ELOVL2: variants seen among roughly 807,000 people sequenced by gnomAD.
ELOVL2 encodes ELOVL fatty acid elongase 2, also known as very long chain fatty acid elongase 2.
In ELOVL2, 38 loss-of-function variants were observed where a neutral mutation model predicts 37.7. The ratio of observed to expected loss-of-function variants is 1.01; its 90% CI spans 0.78 to 1.32. The LOEUF is 1.32. Among genes scored for constraint, ELOVL2 ranks in the 40% most tolerant of loss-of-function variants. The pLI, the probability that ELOVL2 is intolerant of heterozygous loss-of-function variation, is 0.00. For synonymous variants in ELOVL2, 115 were observed against 122.3 expected, an observed-to-expected ratio of 0.94 and a Z score of 0.40; for missense variants, 352 against 363.6, an observed-to-expected ratio of 0.97 and a Z score of 0.26.
chr6:11,011,955 G>T (rs1782591260), intron 1 of ELOVL2, among the ~76,000 whole-genome samples: 1 of 152,118 alleles, frequency 6.6e-6, no homozygotes, highest in Non-Finnish European at 1.5e-5. Context: ...GACAGCCTCG[G>T]GAAGTTGATA....
chr6:11,014,320 T>C (rs144650582), intron 1 of ELOVL2, among the ~76,000 whole-genome samples: 40 of 151,850 alleles, frequency 2.6e-4, no homozygotes, highest in African/African-American at 9.4e-4. Context: ...CTCTACTAAA[T>C]ATACAAAAAT....
chr6:11,043,404 AACAC>A (rs34656289), intron 1 of ELOVL2: 14,719 of 115,034 alleles, frequency 0.13, 1,136 homozygotes, highest in South Asian at 0.16. Flanking sequence ...GACACGGGTG[AACAC>A]ACACACACAC....
intron 7 of ELOVL2, among the ~76,000 whole-genome samples, chr6:10,989,356 A>AAAG (rs777383971): frequency 3.9e-5 from 6 of 152,232 alleles, no homozygotes; most frequent in Non-Finnish European, 8.8e-5. Context: ...ATGTAATGTA[A>AAAG]AAGTGCATGA....
intron 1 of ELOVL2, among the ~76,000 whole-genome samples, chr6:11,020,059 T>C (rs1782741147): frequency 6.6e-6 from 1 of 152,162 alleles, no homozygotes; most frequent in Admixed American, 6.5e-5. Context: ...CATTTTACTT[T>C]TTAACAATAA....
intron 1 of ELOVL2, among the ~76,000 whole-genome samples, chr6:11,022,978 A>C (rs984641534): frequency 6.6e-6 from 1 of 152,266 alleles, no homozygotes; most frequent in African/African-American, 2.4e-5. Flanking sequence ...CAAGTGAATA[A>C]AATGAAATCT....
chr6:11,036,911 ATT>A (rs3839413), intron 1 of ELOVL2, among the ~76,000 whole-genome samples: 20 of 147,550 alleles, frequency 1.4e-4, no homozygotes, highest in South Asian at 6.5e-4. Flanking sequence ...GCATGAGTTA[ATT>A]TTTTTTTTTT....
At chr6:11,011,258 C>T (rs1343124814) in intron 1 of ELOVL2, among the ~76,000 whole-genome samples, 1 of 151,704 alleles carries the variant, frequency 6.6e-6, no homozygotes, top group Non-Finnish European at 1.5e-5. Flanking sequence ...CCCAGCTACT[C>T]AGGAGGCTGA....
chr6:11,036,083 T>TA (rs3839412), intron 1 of ELOVL2, among the ~76,000 whole-genome samples: 27,654 of 152,250 alleles, frequency 0.18, 3,182 homozygotes, highest in Middle Eastern at 0.29. Flanking sequence ...TTAAGACTGT[T>TA]ACAGACATAT....
intron 4 of ELOVL2, among the ~76,000 whole-genome samples, chr6:10,997,694 A>ACTC (rs1341556083): frequency 6.6e-6 from 1 of 152,092 alleles, no homozygotes; most frequent in Admixed American, 6.6e-5. Flanking sequence ...GCTTGATTAG[A>ACTC]CTCAGGTGTA....
intron 1 of ELOVL2, among the ~76,000 whole-genome samples, chr6:11,039,919 G>A (rs1783073361): frequency 1.3e-5 from 2 of 152,204 alleles, no homozygotes; most frequent in Non-Finnish European, 2.9e-5. Context: ...TGGAGAGAAT[G>A]TGGAGCCCAG....
At chr6:10,989,549 G>T (rs1782107637) in intron 7 of ELOVL2, among the ~76,000 whole-genome samples, 154 bp downstream of exon 7, 2 of 151,682 alleles carry the variant, frequency 1.3e-5, no homozygotes, top group Non-Finnish European at 2.9e-5. Context: ...TGAGGCAGGA[G>T]AATCACTTGA....
chr6:10,991,974 G>GTATT (rs1275975762), intron 5 of ELOVL2, among the ~76,000 whole-genome samples: 5 of 152,180 alleles, frequency 3.3e-5, no homozygotes, highest in African/African-American at 1.2e-4. Flanking sequence ...AATTGTCACA[G>GTATT]TATTTACAGG....
At chr6:11,004,082 CAAAA>C (rs796099767) in intron 3 of ELOVL2, among the ~76,000 whole-genome samples, 1 of 131,800 alleles carries the variant, frequency 7.6e-6, no homozygotes, top group Non-Finnish European at 1.7e-5. Context: ...GACTCTGCCT[CAAAA>C]AAAAAAAAAA....
intron 1 of ELOVL2, among the ~76,000 whole-genome samples, chr6:11,030,072 A>G (rs1297213534): frequency 2.0e-5 from 3 of 152,192 alleles, no homozygotes; most frequent in African/African-American, 4.8e-5. Flanking sequence ...GGTTGCAGCT[A>G]TTGTTGGTAT....
At chr6:11,014,269 A>C (rs1782634574) in intron 1 of ELOVL2, among the ~76,000 whole-genome samples, 1 of 152,200 alleles carries the variant, frequency 6.6e-6, no homozygotes, top group African/African-American at 2.4e-5. Flanking sequence ...AAGAGAAAAG[A>C]GGAGTTCGAA....
At chr6:11,021,260 C>T (rs1236809526) in intron 1 of ELOVL2, among the ~76,000 whole-genome samples, 1 of 152,202 alleles carries the variant, frequency 6.6e-6, no homozygotes, top group Non-Finnish European at 1.5e-5. Context: ...CTGGATATGC[C>T]TCCTAACTCT....
At chr6:10,987,617 A>T (rs1782074729) in intron 7 of ELOVL2, among the ~76,000 whole-genome samples, 1 of 152,336 alleles carries the variant, frequency 6.6e-6, no homozygotes, top group Admixed American at 6.5e-5. Context: ...TTATAGTATC[A>T]TTTTTAAACT....
chr6:11,030,824 A>G (rs1170373571), intron 1 of ELOVL2, among the ~76,000 whole-genome samples: 3 of 152,112 alleles, frequency 2.0e-5, no homozygotes, highest in Admixed American at 2.0e-4. Context: ...TTAAATAAAC[A>G]CGTACTGGGC....
chr6:11,013,980 T>G (rs1007806927), intron 1 of ELOVL2, among the ~76,000 whole-genome samples: 3 of 151,906 alleles, frequency 2.0e-5, no homozygotes, highest in African/African-American at 7.3e-5. Context: ...CTCTGCGAAA[T>G]AACCCTAGAT....
Sources: allele counts gnomAD v4.1 joint callset (sites outside exome capture counted in the v4.1 genomes callset), GRCh38; gene constraint gnomAD v4.1.1; transcripts MANE v1.5; gene names NCBI Gene and HGNC (gene_info 2026-07-23, HGNC 2026-07-21).